TTLL11: variants seen among roughly 807,000 people sequenced by gnomAD.
TTLL11 encodes the protein tubulin polyglutamylase TTLL11.
A neutral mutation model predicts 51.7 loss-of-function variants in TTLL11; 42 were observed. The ratio of observed to expected loss-of-function variants is 0.81; its 90% CI spans 0.64 to 1.05. TTLL11 has a LOEUF of 1.05. TTLL11 is among the 50% of genes least tolerant of loss of function. TTLL11 has a pLI of 0.00. For synonymous variants in TTLL11, 381 were observed against 383.5 expected (o/e 0.99, Z 0.08); for missense variants, 799 against 940.4 (o/e 0.85, Z 1.97).
At chr9:121,922,958 C>G (rs1457904035) in intron 6 of TTLL11, among the ~76,000 whole-genome samples, 1 of 152,198 alleles carries the variant, frequency 6.6e-6, no homozygotes, top group Non-Finnish European at 1.5e-5. Flanking sequence ...TTCAAAACCA[C>G]CTTACACATG....
chr9:122,093,234 C>G lies in TTLL11; in HGVS notation c.-86G>C. On this transcript the variant is annotated 5_prime_UTR_variant, in exon 1 of 9. Coordinates refer to ENST00000321582, the MANE Select transcript of TTLL11 (RefSeq NM_001139442.2). Reference sequence around the variant, plus strand: ...CCAGTCCGCCACCAAACTGCCGCCGCTGCAGCCGCTGCCACGCGTTCCCCG... The same window carrying G: ...CCAGTCCGCCACCAAACTGCCGCCGGTGCAGCCGCTGCCACGCGTTCCCCG... 1 of 1,493,674 alleles carries G rather than the reference C, an allele frequency of 6.7e-7. No individual in the cohort carries two copies. The highest frequency in any genetic ancestry group is 8.8e-7 in the Non-Finnish European group (1 of 1,132,774). The allele number at this position is 1,493,674 out of a possible 1,614,324, so 92.5% of individuals were successfully genotyped here.
At position 121,853,686 on chromosome 9, in the gene TTLL11, A is replaced by G. The variant is rs1445347230; in HGVS notation, c.1840+6651T>C. 6.6e-6 allele frequency among the ~76,000 whole-genome samples: 1 copy of G among 152,188 alleles called. No homozygotes were observed. The highest frequency in any genetic ancestry group is 1.5e-5 in the Non-Finnish European group (1 of 68,014). On this transcript the variant is annotated intron_variant, in intron 8 of 8. Coordinates refer to ENST00000321582, the MANE Select transcript of TTLL11 (RefSeq NM_001139442.2). The surrounding 1 kb of genome is among the most constrained non-coding windows in gnomAD (Gnocchi z 5.6). ...GGCAGGGCTCCTGCTTCACACAGCC[A>G]TGGACGAGGCTGCCAGCACCACATT...
chr9:122,092,734 A>G lies in TTLL11; in HGVS notation c.415T>C (p.Ser139Pro). The stretch of plus-strand genomic sequence containing the variant: ...ATGCTGATCTTCAGGGCATCCAGGG[A>G]GGTCCTGGCCTTGGAGCTGTCCACG... ...VTVDSSKARTSLDALKISIRQ... is the reference protein window; with the variant it reads ...VTVDSSKARTPLDALKISIRQ... Residue 139 changes from serine to proline, a missense_variant, in exon 1 of 9, where the codon TCC becomes CCC. This residue lies in a region of TTLL11 where 468 missense variants were observed against 612.8 expected (regional missense o/e 0.76). Transcript: ENST00000321582. The G allele has an allele frequency of 6.5e-7, 1 of 1,538,024 alleles. No individual in the cohort carries two copies. The highest frequency in any genetic ancestry group is 8.7e-7 in the Non-Finnish European group (1 of 1,147,394).
At chr9:121,939,922 G>A (rs1025074524) in intron 6 of TTLL11, among the ~76,000 whole-genome samples, 2 of 152,146 alleles carry the variant, frequency 1.3e-5, no homozygotes, top group African/African-American at 2.4e-5. Flanking sequence ...AGAAGGCAGA[G>A]GGGAGCAGGG....
At chr9:121,925,729 A>C (rs1459400550) in intron 6 of TTLL11, among the ~76,000 whole-genome samples, 1 of 152,092 alleles carries the variant, frequency 6.6e-6, no homozygotes, top group East Asian at 1.9e-4. Flanking sequence ...TGGTCTCTGA[A>C]TCTCTCTGTG....
At chr9:121,850,757 C>T (rs1048407337) in intron 8 of TTLL11, among the ~76,000 whole-genome samples, 2 of 152,156 alleles carry the variant, frequency 1.3e-5, no homozygotes, top group Non-Finnish European at 2.9e-5. Context: ...AATGCTTTAC[C>T]AGTTCTCTAG....
intron 1 of TTLL11, among the ~76,000 whole-genome samples, chr9:122,045,341 T>G (rs1349060353): frequency 6.6e-6 from 1 of 152,060 alleles, no homozygotes; most frequent in East Asian, 1.9e-4. Flanking sequence ...TCACCTGAGG[T>G]CAGGGGTTCA....
At chr9:122,058,977 G>A (rs1845370698) in intron 1 of TTLL11, among the ~76,000 whole-genome samples, 1 of 152,022 alleles carries the variant, frequency 6.6e-6, no homozygotes, top group African/African-American at 2.4e-5. Context: ...GGCCACGTAC[G>A]GCTTTCAGTC....
At chr9:121,837,311 A>AGGT (rs199678982) in intron 8 of TTLL11, among the ~76,000 whole-genome samples, 46 of 95,212 alleles carry the variant, frequency 4.8e-4, no homozygotes, top group Non-Finnish European at 8.8e-4. Context: ...CTTATGGGTC[A>AGGT]AGTATTATTT....
chr9:121,920,687 C>A (rs1840504179), intron 6 of TTLL11, among the ~76,000 whole-genome samples: 1 of 152,204 alleles, frequency 6.6e-6, no homozygotes, highest in African/African-American at 2.4e-5. Context: ...GTGGGCAAGG[C>A]CAAGATTCAC....
chr9:122,041,000 T>C (rs1844831482), intron 1 of TTLL11, among the ~76,000 whole-genome samples: 1 of 152,184 alleles, frequency 6.6e-6, no homozygotes. Flanking sequence ...GTAAAGTGGC[T>C]TTGCTTTGTT....
At chr9:122,046,323 C>T (rs374171386) in intron 1 of TTLL11, among the ~76,000 whole-genome samples, 9 of 152,250 alleles carry the variant, frequency 5.9e-5, no homozygotes, top group East Asian at 3.9e-4. Flanking sequence ...TGTAAGACAC[C>T]TCCTTCCTGT....
chr9:121,926,563 C>T (rs891389835), intron 6 of TTLL11, among the ~76,000 whole-genome samples: 5 of 152,158 alleles, frequency 3.3e-5, no homozygotes, highest in South Asian at 2.1e-4. Flanking sequence ...GTGGCATAGA[C>T]GAGGATCCTG....
intron 1 of TTLL11, among the ~76,000 whole-genome samples, chr9:122,064,765 GAAGACAA>G (rs1845530510): frequency 6.6e-6 from 1 of 152,192 alleles, no homozygotes; most frequent in South Asian, 2.1e-4. Flanking sequence ...TGAAGAGTAA[GAAGACAA>G]AGGAGGAGGG....
intron 8 of TTLL11, among the ~76,000 whole-genome samples, chr9:121,840,548 A>C (rs150591768): frequency 6.6e-6 from 1 of 152,156 alleles, no homozygotes; most frequent in African/African-American, 2.4e-5. Flanking sequence ...TGCAATTGCC[A>C]CCATGCTTGG....
At chr9:122,031,688 T>C in intron 3 of TTLL11, 35 bp downstream of exon 3, 1 of 1,606,608 alleles carries the variant, frequency 6.2e-7, no homozygotes, top group Non-Finnish European at 8.5e-7. Context: ...AAGCATAATA[T>C]AATTCAGGGG....
chr9:121,971,533 G>A (rs1842576844), intron 6 of TTLL11, among the ~76,000 whole-genome samples: 1 of 140,010 alleles, frequency 7.1e-6, no homozygotes, highest in Non-Finnish European at 1.6e-5. Context: ...GAAGTGAGGA[G>A]CCCCTCTGCC....
intron 7 of TTLL11, among the ~76,000 whole-genome samples, chr9:121,867,790 C>T (rs1397270471): frequency 6.6e-6 from 1 of 152,076 alleles, no homozygotes; most frequent in Admixed American, 6.6e-5. Flanking sequence ...AGCTACCGCC[C>T]TGTGACTCTA....
At chr9:121,879,107 A>T (rs1838676193) in intron 6 of TTLL11, among the ~76,000 whole-genome samples, 1 of 152,216 alleles carries the variant, frequency 6.6e-6, no homozygotes, top group Admixed American at 6.5e-5. Context: ...GAGAAGATGG[A>T]CACAGCACCT....
Sources: allele counts gnomAD v4.1 joint callset (sites outside exome capture counted in the v4.1 genomes callset), GRCh38; gene constraint gnomAD v4.1.1; regional missense constraint gnomAD v4.1.1; non-coding constraint Gnocchi (gnomAD v3.1); transcripts MANE v1.5; gene names NCBI Gene and HGNC (gene_info 2026-07-23, HGNC 2026-07-21).